Variants in DOK5 observed in about 807,000 individuals in gnomAD.
DOK5 encodes the protein downstream of tyrosine kinase 5.
Under a neutral mutation model 43.3 loss-of-function variants are expected in DOK5, and 27 were observed. The ratio of observed to expected loss-of-function variants is 0.62; its 90% confidence interval spans 0.46 to 0.86. DOK5 has a LOEUF of 0.86. Ranked by LOEUF, DOK5 falls within the 40% of genes least tolerant of loss-of-function variation. The pLI, the probability that DOK5 is intolerant of heterozygous loss-of-function variation, is 0.00. For synonymous variants in DOK5, 146 were observed against 140.1 expected, an observed-to-expected ratio of 1.04 and a Z score of -0.30; for missense variants, 373 against 392.9, an observed-to-expected ratio of 0.95 and a Z score of 0.43.
In DOK5 at chr20:54,481,087, TACC is replaced by T. The variant is rs200469858; in HGVS notation, c.66+5077_66+5079del. On this transcript the variant is annotated intron_variant, in intron 1 of 7. Coordinates refer to ENST00000262593, the MANE Select transcript of DOK5 (RefSeq NM_018431.5). ...ATCTATCATCTATCTATCTATCATC[TACC>T]ATCTATCTATCTATCATCTATCTAT... Among the ~76,000 whole-genome samples the T allele has an allele frequency of 3.6e-3, 439 of 121,948 alleles. 14 individuals carry two copies. The highest frequency in any genetic ancestry group is 0.016 in the African/African-American group (373 of 23,970). 80.0% of individuals were successfully genotyped at this position (121,948 alleles called of 152,430 possible). A position where few individuals can be genotyped will look rare whatever the true frequency, so the allele number is the denominator to read the frequency against.
chr20:54,613,013 T>C (rs1339912183), intron 6 of DOK5, among the ~76,000 whole-genome samples: 1 of 152,238 alleles, frequency 6.6e-6, no homozygotes, highest in Non-Finnish European at 1.5e-5. Flanking sequence ...CCAGAGCTCA[T>C]TATATAGCTT....
At chr20:54,562,107 C>G (rs181002091) in intron 2 of DOK5, among the ~76,000 whole-genome samples, 1 of 152,182 alleles carries the variant, frequency 6.6e-6, no homozygotes, top group Non-Finnish European at 1.5e-5. Context: ...GGTCACTGTC[C>G]GTTGGATTTG....
intron 1 of DOK5, among the ~76,000 whole-genome samples, chr20:54,476,617 G>A (rs1449365590): frequency 6.6e-6 from 1 of 152,140 alleles, no homozygotes; most frequent in Non-Finnish European, 1.5e-5. Flanking sequence ...CGAAGCCGGG[G>A]TGGTGGATTT....
At position 54,590,769 on chromosome 20, in the gene DOK5, G is replaced by A. The variant is rs6091927; in HGVS notation, c.410-847G>A. 4.6e-3 allele frequency among the ~76,000 whole-genome samples: 698 copies of A among 152,170 alleles called. 8 individuals carry two copies. The highest frequency in any genetic ancestry group is 0.016 in the African/African-American group (651 of 41,526). The stretch of plus-strand genomic sequence containing the variant: ...ATAAAATTGTTAATGCCACATTGTC[G>A]TATGTAGGCAATCTACCATAATGAT... On this transcript the variant is annotated intron_variant, in intron 4 of 7. Coordinates refer to ENST00000262593, the MANE Select transcript of DOK5 (RefSeq NM_018431.5).
intron 1 of DOK5, among the ~76,000 whole-genome samples, chr20:54,497,294 G>A (rs756101333): frequency 1.3e-5 from 2 of 152,304 alleles, no homozygotes; most frequent in Non-Finnish European, 2.9e-5. Flanking sequence ...CGAATGTAGA[G>A]ACACTGCTTC....
chr20:54,588,715 A>T lies in DOK5; in HGVS notation c.318A>T (p.Val106=). 6.2e-7 allele frequency: 1 copy of T among 1,614,060 alleles called. No homozygotes were observed. The highest frequency in any genetic ancestry group is 8.5e-7 in the Non-Finnish European group (1 of 1,179,982). ...SDLEADEWCK[V]LQMECVGTRI... ...TTGAGGCTGATGAGTGGTGCAAAGT[A>T]CTCCAGATGGAGTGTGTAGGAACAC... The change falls in exon 4 of 8, where the codon GTA becomes GTT. Residue 106 remains valine (V), a synonymous_variant. Coordinates refer to ENST00000262593, the MANE Select transcript of DOK5 (RefSeq NM_018431.5).
intron 2 of DOK5, among the ~76,000 whole-genome samples, chr20:54,570,044 C>G (rs775373519): frequency 1.3e-5 from 2 of 152,174 alleles, no homozygotes; most frequent in Non-Finnish European, 2.9e-5. Context: ...GAAAACTGAG[C>G]ATGTTTCTCT....
Position 54,496,765 on chromosome 20 carries a change from CAA to C in DOK5, c.66+20773_66+20774del, listed in dbSNP as rs74179280. On this transcript the variant is annotated intron_variant, in intron 1 of 7. Transcript: ENST00000262593. ...TGGGCGACAGAGCAAGACTCCGTCT[CAA>C]AAAAAAAAAAAAAAAAAAAGAAAAA... is the stretch of plus-strand genomic sequence containing the variant. 2.5e-4 allele frequency among the ~76,000 whole-genome samples: 15 copies of C among 59,506 alleles called. 1 individual carries two copies. The highest frequency in any genetic ancestry group is 1.7e-3 in the East Asian group (3 of 1,778). The allele number at this position is 59,506 out of a possible 152,430, so 39.0% of individuals were successfully genotyped here.
intron 2 of DOK5, among the ~76,000 whole-genome samples, chr20:54,559,308 G>T (rs1379159627): frequency 1.3e-5 from 2 of 152,146 alleles, no homozygotes; most frequent in African/African-American, 4.8e-5. Flanking sequence ...CCTGGATTTA[G>T]GTAGCCTGAG....
intron 2 of DOK5, among the ~76,000 whole-genome samples, chr20:54,569,079 T>C (rs1600707845): frequency 6.6e-6 from 1 of 151,896 alleles, no homozygotes; most frequent in South Asian, 2.1e-4. Context: ...TCAAACTCTT[T>C]ACTCTGTCTG....
chr20:54,561,828 G>C (rs1260310940), intron 2 of DOK5, among the ~76,000 whole-genome samples: 1 of 152,100 alleles, frequency 6.6e-6, no homozygotes, highest in African/African-American at 2.4e-5. Context: ...GGCTAATTTT[G>C]TATTTTTAGT....
chr20:54,643,347 G>T (rs1316411672), intron 6 of DOK5, 111 bp from the exon 7 acceptor site: 13 of 1,428,866 alleles, frequency 9.1e-6, no homozygotes, highest in Non-Finnish European at 1.2e-5. Flanking sequence ...TCATTGATTT[G>T]CAGCCTGGCC....
At chr20:54,553,378 G>A (rs1462493421) in intron 1 of DOK5, among the ~76,000 whole-genome samples, 1 of 151,910 alleles carries the variant, frequency 6.6e-6, no homozygotes, top group Non-Finnish European at 1.5e-5. Context: ...TGTATGTTTA[G>A]TACAGACGGG....
At chr20:54,504,020 T>A (rs1016536972) in intron 1 of DOK5, among the ~76,000 whole-genome samples, 3 of 152,240 alleles carry the variant, frequency 2.0e-5, no homozygotes, top group Non-Finnish European at 4.4e-5. Context: ...GCAGCCCAGC[T>A]GTTGTCCATG....
Position 54,542,476 on chromosome 20 carries a change from G to C in DOK5, c.67-12457G>C, listed in dbSNP as rs1984197437. On this transcript the variant is annotated intron_variant, in intron 1 of 7. Coordinates refer to ENST00000262593, the MANE Select transcript of DOK5 (RefSeq NM_018431.5). ...TGCTTTGGAGAAGAGAAAGGCATTG[G>C]AGACAGAGAAGGAAAAGCATATATA... Among the ~76,000 whole-genome samples the C allele has an allele frequency of 2.6e-5, 4 of 152,212 alleles. No homozygotes were observed. The South Asian group carries it at 6.2e-4, about 24-fold the overall frequency.
At chr20:54,535,303 TAA>T (rs1983924183) in intron 1 of DOK5, among the ~76,000 whole-genome samples, 1 of 151,914 alleles carries the variant, frequency 6.6e-6, no homozygotes, top group Non-Finnish European at 1.5e-5. Flanking sequence ...GTTTTTTTTT[TAA>T]AGAGTGCTTT....
At chr20:54,521,941 C>T (rs1175007911) in intron 1 of DOK5, among the ~76,000 whole-genome samples, 1 of 152,206 alleles carries the variant, frequency 6.6e-6, no homozygotes, top group Non-Finnish European at 1.5e-5. Context: ...GAACCAGGGA[C>T]AAAGATGAAA....
intron 7 of DOK5, among the ~76,000 whole-genome samples, chr20:54,646,316 C>T (rs1297312895): frequency 8.2e-6 from 1 of 122,678 alleles, no homozygotes; most frequent in East Asian, 2.7e-4. Context: ...TGCAGTGGTG[C>T]GATCATGGCT....
chr20:54,517,392 G>A (rs1983233084), intron 1 of DOK5, among the ~76,000 whole-genome samples: 1 of 152,124 alleles, frequency 6.6e-6, no homozygotes, highest in Non-Finnish European at 1.5e-5. Flanking sequence ...TAAAATTGTA[G>A]CCTAACCACT....
Sources: gnomAD v4.1 joint callset for allele counts (sites outside exome capture counted in the v4.1 genomes callset) on GRCh38, gnomAD v4.1.1 for gene constraint, MANE v1.5 for transcripts, NCBI Gene and HGNC (gene_info 2026-07-23, HGNC 2026-07-21) for gene names.